The following WNT6 variants were observed in gnomAD, a reference collection of about 807,000 sequenced individuals.
WNT6 encodes the protein protein Wnt-6.
Under a neutral mutation model 33.1 loss-of-function variants are expected in WNT6, and 27 were observed. That is an observed-to-expected ratio of 0.82 (90% confidence interval 0.60 to 1.12). WNT6 has a LOEUF of 1.12. Among genes scored for constraint, WNT6 ranks in the 50% most tolerant of loss-of-function variants. The probability of loss-of-function intolerance (pLI) is 0.00; values close to 1 mark genes in which losing one functional copy is unlikely to be tolerated. For synonymous variants in WNT6, 249 were observed against 242.8 expected, an observed-to-expected ratio of 1.03 and a Z score of -0.24; for missense variants, 494 against 535.3, an observed-to-expected ratio of 0.92 and a Z score of 0.76.
intron 3 of WNT6, among the ~76,000 whole-genome samples, chr2:218,872,501 C>T (rs867943663): frequency 1.3e-5 from 2 of 152,070 alleles, no homozygotes; most frequent in African/African-American, 4.8e-5. Context: ...CCCTCTGTAA[C>T]GAGGAGAGCC....
chr2:218,866,214 T>TG (rs1336298699), intron 1 of WNT6, among the ~76,000 whole-genome samples: 1 of 151,210 alleles, frequency 6.6e-6, no homozygotes, highest in Non-Finnish European at 1.5e-5. Flanking sequence ...TTGTGGGAGG[T>TG]GGGGTCAGTG....
Position 218,871,369 on chromosome 2 carries a change from C to G in WNT6, c.302-116C>G. The G allele has an allele frequency of 1.4e-6, 2 of 1,476,934 alleles. No individual in the cohort carries two copies. Among genetic ancestry groups the G allele is most frequent in the Non-Finnish European group, 1.8e-6 (2 of 1,089,296 alleles). The allele number at this position is 1,476,934 out of a possible 1,614,324, so 91.5% of individuals were successfully genotyped here. A position where few individuals can be genotyped will look rare whatever the true frequency, so the allele number is the denominator to read the frequency against. ...TTCCCCCTCACATGTGTCTGGGCAC[C>G]CTGCAAGGACCCTGCCTCCCAGGCC... On this transcript the variant is annotated intron_variant, in intron 2 of 3. Transcript: ENST00000233948. The surrounding 1 kb of genome is among the most constrained non-coding windows in gnomAD (Gnocchi z 6.4).
In WNT6 at chr2:218,871,622, G is replaced by T; in HGVS notation, c.439G>T (p.Gly147Cys). ...CGGGCGGGCCCCTCCCCGGCCCTCC[G>T]GCCTGCCCGGCACCCCCGGACCCCC... is the stretch of plus-strand genomic sequence containing the variant. ...PRGRAPPRPS[G>C]LPGTPGPPGP... Residue 147 changes from glycine (G) to cysteine (C), a missense_variant, in exon 3 of 4, where the codon GGC (glycine) becomes TGC (cysteine). Physicochemically the swap from Gly to Cys is radical, Grantham distance 159. Coordinates refer to ENST00000233948, the MANE Select transcript of WNT6 (RefSeq NM_006522.4). This position sits in a 1 kb window ranked among gnomAD's most constrained non-coding sequence, Gnocchi z 6.4. The T allele has an allele frequency of 6.8e-7, 1 of 1,474,070 alleles. No homozygotes were observed. 91.3% of individuals were successfully genotyped at this position (1,474,070 alleles called of 1,614,324 possible). A position where few individuals can be genotyped will look rare whatever the true frequency, so the allele number is the denominator to read the frequency against.
chr2:218,866,314 C>T (rs542480586), intron 1 of WNT6, among the ~76,000 whole-genome samples: 1 of 152,054 alleles, frequency 6.6e-6, no homozygotes. Context: ...GGCTGTGATC[C>T]CTTTGGCCTC....
At chr2:218,868,370 G>T (rs936729916) in intron 1 of WNT6, among the ~76,000 whole-genome samples, 1 of 152,152 alleles carries the variant, frequency 6.6e-6, no homozygotes, top group Non-Finnish European at 1.5e-5. Flanking sequence ...AGGAGGGAGA[G>T]GAGAAGGATG....
chr2:218,861,141 A>G (rs990706599), intron 1 of WNT6, among the ~76,000 whole-genome samples: 1 of 151,906 alleles, frequency 6.6e-6, no homozygotes. Flanking sequence ...CTCGCCCCCC[A>G]GATTTGGAAG....
intron 3 of WNT6, among the ~76,000 whole-genome samples, chr2:218,872,544 T>C (rs1944411989): frequency 6.6e-6 from 1 of 152,088 alleles, no homozygotes; most frequent in Admixed American, 6.5e-5. Flanking sequence ...AAGAAGGTTG[T>C]CTGGGTGTGA....
intron 1 of WNT6, 85 bp from the exon 2 acceptor site, chr2:218,870,942 G>T: frequency 7.6e-7 from 1 of 1,309,596 alleles, no homozygotes; most frequent in South Asian, 1.4e-5. Flanking sequence ...CTCCCGCTGC[G>T]GGCTGAGTGG....
chr2:218,871,540 C>A lies in WNT6; in HGVS notation c.357C>A (p.Ala119=), dbSNP rs773072273. 3 of 1,598,522 alleles carry A rather than the reference C, an allele frequency of 1.9e-6. No homozygotes were observed. Among genetic ancestry groups the A allele is most frequent in the African/African-American group, 1.3e-5 (1 of 74,874 alleles). The change falls in exon 3 of 4, where the codon GCC becomes GCA. Residue 119 remains alanine (A), a synonymous_variant. Coordinates refer to ENST00000233948, the MANE Select transcript of WNT6 (RefSeq NM_006522.4). The surrounding 1 kb of genome is among the most constrained non-coding windows in gnomAD (Gnocchi z 6.4). The part of the protein sequence containing the change: ...FAITAAGASH[A]VTQACSMGEL... ...TCACTGCGGCCGGCGCCAGCCACGC[C>A]GTCACGCAGGCCTGTTCTATGGGCG...
rs1203845521 is a variant in WNT6, at chr2:218,871,223, G to A, written c.277G>A (p.Ala93Thr). The A allele has an allele frequency of 3.7e-6, 6 of 1,612,328 alleles. No homozygotes were observed. The highest frequency in any genetic ancestry group is 1.1e-5 in the South Asian group (1 of 90,886). ...CTGGAATTGCTCCAGCCACAGCAAG[G>A]CCTTTGGACGCATCCTGCAACAGGG... ...RRWNCSSHSK[A>T]FGRILQQDIR... Residue 93 changes from alanine (A) to threonine (T), a missense_variant, in exon 2 of 4, where the codon GCC (alanine) becomes ACC (threonine). Coordinates refer to ENST00000233948, the MANE Select transcript of WNT6 (RefSeq NM_006522.4). This position sits in a 1 kb window ranked among gnomAD's most constrained non-coding sequence, Gnocchi z 6.4.
In WNT6 at chr2:218,859,990, C is replaced by T. The variant is rs551605306; in HGVS notation, c.-48C>T. The T allele has an allele frequency of 5.2e-5, 69 of 1,324,064 alleles. No homozygotes were observed. In the South Asian group the frequency reaches 9.5e-4, roughly 18 times the overall value. The allele number at this position is 1,324,064 out of a possible 1,614,324, so 82.0% of individuals were successfully genotyped here. A position where few individuals can be genotyped will look rare whatever the true frequency, so the allele number is the denominator to read the frequency against. ...CGGGCCCTCGCGCGCCGCGGTTCGCCCCGCAGCCTCGCCCCCTGCCCACCC... is the reference window on the plus strand; with the variant it reads ...CGGGCCCTCGCGCGCCGCGGTTCGCTCCGCAGCCTCGCCCCCTGCCCACCC... On this transcript the variant is annotated 5_prime_UTR_variant, in exon 1 of 4. Coordinates refer to ENST00000233948, the MANE Select transcript of WNT6 (RefSeq NM_006522.4).
Position 218,869,755 on chromosome 2 carries a change from A to C in WNT6, c.81-1272A>C, listed in dbSNP as rs187440915. On this transcript the variant is annotated intron_variant, in intron 1 of 3. Coordinates refer to ENST00000233948, the MANE Select transcript of WNT6 (RefSeq NM_006522.4). ...TCAGGGGTCTGGTATACCAAAACCA[A>C]ATGTCAGCTCTCTCCTTGGGCAGAA... Among the ~76,000 whole-genome samples the C allele has an allele frequency of 7.5e-3, 1,142 of 152,272 alleles. 15 individuals are homozygous for C. Among genetic ancestry groups the C allele is most frequent in the Non-Finnish European group, 0.012 (836 of 68,020 alleles).
chr2:218,864,622 A>C (rs1273191251), intron 1 of WNT6, among the ~76,000 whole-genome samples: 10 of 152,028 alleles, frequency 6.6e-5, no homozygotes, highest in Admixed American at 3.3e-4. Flanking sequence ...ACTAGGGAAA[A>C]CACCACCCAG....
Position 218,871,361 on chromosome 2 carries a change from C to T in WNT6, c.301+114C>T. 1 of 1,478,860 alleles carries T rather than the reference C, an allele frequency of 6.8e-7. No individual in the cohort carries two copies. 91.6% of individuals were successfully genotyped at this position (1,478,860 alleles called of 1,614,324 possible). On this transcript the variant is annotated intron_variant, in intron 2 of 3. Transcript: ENST00000233948. The surrounding 1 kb of genome is among the most constrained non-coding windows in gnomAD (Gnocchi z 6.4). The stretch of plus-strand genomic sequence containing the variant: ...AGCCCCACTTCCCCCTCACATGTGT[C>T]TGGGCACCCTGCAAGGACCCTGCCT...
chr2:218,871,259 G>C lies in WNT6; in HGVS notation c.301+12G>C, dbSNP rs996678508. The C allele has an allele frequency of 1.9e-5, 30 of 1,598,932 alleles. No individual in the cohort carries two copies. The Admixed American group carries it at 3.2e-4, about 17-fold the overall frequency. On this transcript the variant is annotated intron_variant, in intron 2 of 3. Coordinates refer to ENST00000233948, the MANE Select transcript of WNT6 (RefSeq NM_006522.4). The surrounding 1 kb of genome is among the most constrained non-coding windows in gnomAD (Gnocchi z 6.4). ...CATCCTGCAACAGGGTCAGTGTGGG[G>C]AGGGGGCGGAAGTGGGGCTGCTTTC... is the stretch of plus-strand genomic sequence containing the variant.
intron 1 of WNT6, among the ~76,000 whole-genome samples, chr2:218,870,440 G>A (rs539459291): frequency 2.0e-5 from 3 of 152,292 alleles, no homozygotes; most frequent in African/African-American, 7.2e-5. Flanking sequence ...GGGCTATGGA[G>A]AGGGTGTGAC....
At position 218,867,164 on chromosome 2, in the gene WNT6, GTCT is replaced by G. The variant is rs1023921824; in HGVS notation, c.81-3859_81-3857del. ...AGGATGGTGTGGGAGGCCACTGGAA[GTCT>G]TCTGATATCTCACGTGCCCATTTCC... is the stretch of plus-strand genomic sequence containing the variant. On this transcript the variant is annotated intron_variant, in intron 1 of 3. Transcript: ENST00000233948. This position sits in a 1 kb window ranked among gnomAD's most constrained non-coding sequence, Gnocchi z 4.9. Among the ~76,000 whole-genome samples the G allele has an allele frequency of 5.3e-5, 8 of 152,146 alleles. No individual in the cohort carries two copies. The highest frequency in any genetic ancestry group is 1.9e-4 in the African/African-American group (8 of 41,416).
chr2:218,864,363 G>A (rs1229542932), intron 1 of WNT6, among the ~76,000 whole-genome samples: 4 of 152,004 alleles, frequency 2.6e-5, no homozygotes, highest in Admixed American at 2.6e-4. Context: ...GGGTTCAAGT[G>A]ATTCTCCTAC....
chr2:218,862,231 G>A (rs770352567), intron 1 of WNT6, among the ~76,000 whole-genome samples: 8 of 152,148 alleles, frequency 5.3e-5, no homozygotes, highest in African/African-American at 9.7e-5. Context: ...CAGTGATAAC[G>A]TGTCTGACTG....
Sources: gnomAD v4.1 joint callset for allele counts (sites outside exome capture counted in the v4.1 genomes callset) on GRCh38, gnomAD v4.1.1 for gene constraint, Gnocchi (gnomAD v3.1) non-coding constraint, MANE v1.5 for transcripts, NCBI Gene and HGNC (gene_info 2026-07-23, HGNC 2026-07-21) for gene names.